KCNAB1: variants seen among roughly 807,000 people sequenced by gnomAD.
KCNAB1 encodes the protein voltage-gated potassium channel subunit beta-1.
In KCNAB1, 35 loss-of-function variants were observed where a neutral mutation model predicts 64.6. The observed-to-expected ratio is 0.54, with a 90% CI of 0.41 to 0.72. The LOEUF (loss-of-function observed/expected upper bound fraction) is 0.72, where lower values mean the gene tolerates loss of function less well. Among genes scored for constraint, KCNAB1 ranks in the 30% least tolerant of loss-of-function variants. The pLI is 0.00. For synonymous variants in KCNAB1, 177 were observed against 183.8 expected (o/e 0.96, Z 0.30); for missense variants, 401 against 512.9 (o/e 0.78, Z 2.11).
intron 1 of KCNAB1, among the ~76,000 whole-genome samples, chr3:156,239,749 G>T (rs949366319): frequency 1.3e-5 from 2 of 152,126 alleles, no homozygotes; most frequent in Non-Finnish European, 2.9e-5. Flanking sequence ...TCTAAAATTT[G>T]TTCATGTAAT....
At chr3:156,398,131 G>T (rs1713601157) in intron 1 of KCNAB1, among the ~76,000 whole-genome samples, 1 of 152,098 alleles carries the variant, frequency 6.6e-6, no homozygotes, top group Non-Finnish European at 1.5e-5. Flanking sequence ...AACTCACACA[G>T]AAACAGAGAA....
At chr3:156,378,256 G>C (rs150399556) in intron 1 of KCNAB1, among the ~76,000 whole-genome samples, 15 of 152,078 alleles carry the variant, frequency 9.9e-5, no homozygotes, top group Non-Finnish European at 1.9e-4. Flanking sequence ...CTGCAAACTA[G>C]GACACCTAGT....
At chr3:156,506,232 C>T (rs769815356) in intron 8 of KCNAB1, among the ~76,000 whole-genome samples, 8 of 152,072 alleles carry the variant, frequency 5.3e-5, no homozygotes, top group Non-Finnish European at 8.8e-5. Context: ...CTTTTTAACT[C>T]ATTTATTTTT....
At chr3:156,408,064 C>T (rs1039003996) in intron 1 of KCNAB1, among the ~76,000 whole-genome samples, 4 of 151,242 alleles carry the variant, frequency 2.6e-5, no homozygotes, top group African/African-American at 9.8e-5. Context: ...GGTGCAGTGG[C>T]GGGCGGTGGT....
chr3:156,161,624 A>G (rs897658660), intron 1 of KCNAB1, among the ~76,000 whole-genome samples: 1 of 152,204 alleles, frequency 6.6e-6, no homozygotes, highest in African/African-American at 2.4e-5. Context: ...TTTTGAATAT[A>G]GGTAACTGTC....
chr3:156,251,299 G>A (rs1717815546), intron 1 of KCNAB1, among the ~76,000 whole-genome samples: 1 of 152,222 alleles, frequency 6.6e-6, no homozygotes, highest in East Asian at 1.9e-4. Flanking sequence ...CAAATCACTT[G>A]AGAGTAAGTA....
In KCNAB1 at chr3:156,474,832, A is replaced by G. The variant is rs747042480; in HGVS notation, c.658+12A>G. Reference sequence around the variant, plus strand: ...CACTCCCATGGAAGGTAAGTTAAGAAAGCTAATAAAATACTCTAGAAATCT... The same window carrying G: ...CACTCCCATGGAAGGTAAGTTAAGAGAGCTAATAAAATACTCTAGAAATCT... On this transcript the variant is annotated intron_variant, in intron 8 of 13. Transcript: ENST00000490337. 7.1e-5 allele frequency: 113 copies of G among 1,592,236 alleles called. No individual in the cohort carries two copies. The highest frequency in any genetic ancestry group is 9.6e-5 in the Non-Finnish European group (111 of 1,160,618).
chr3:156,187,653 A>G (rs1161823851), intron 1 of KCNAB1, among the ~76,000 whole-genome samples: 1 of 152,154 alleles, frequency 6.6e-6, no homozygotes, highest in African/African-American at 2.4e-5. Context: ...CCACTTCCTA[A>G]TGATCTCTTG....
intron 13 of KCNAB1, among the ~76,000 whole-genome samples, chr3:156,532,426 C>T (rs1333248961): frequency 2.0e-5 from 3 of 152,216 alleles, no homozygotes; most frequent in Admixed American, 6.5e-5. Flanking sequence ...GCCATAGCCA[C>T]TACCTGGTAA....
chr3:156,287,937 T>C (rs1280641819), intron 1 of KCNAB1, among the ~76,000 whole-genome samples: 1 of 152,230 alleles, frequency 6.6e-6, no homozygotes, highest in Non-Finnish European at 1.5e-5. Flanking sequence ...AGCAATGATA[T>C]AAGAACTAAA....
intron 1 of KCNAB1, among the ~76,000 whole-genome samples, chr3:156,221,783 CG>C (rs200997816): frequency 0.031 from 4,304 of 139,440 alleles, 108 homozygotes; most frequent in South Asian, 0.051. Context: ...CATCCCCCCC[CG>C]CCAAAAAAAA....
At chr3:156,393,964 T>C (rs1478308906) in intron 1 of KCNAB1, among the ~76,000 whole-genome samples, 1 of 152,192 alleles carries the variant, frequency 6.6e-6, no homozygotes, top group African/African-American at 2.4e-5. Flanking sequence ...ATACCATGGG[T>C]TAGGGAGAGA....
intron 1 of KCNAB1, 43 bp downstream of exon 1, chr3:156,120,929 C>T (rs762247745): frequency 1.2e-5 from 20 of 1,601,188 alleles, no homozygotes; most frequent in Non-Finnish European, 1.6e-5. Flanking sequence ...AGACGCCGTT[C>T]GAAGGTGCTC....
intron 1 of KCNAB1, among the ~76,000 whole-genome samples, chr3:156,349,896 A>G (rs1278750013): frequency 6.6e-6 from 1 of 152,040 alleles, no homozygotes; most frequent in African/African-American, 2.4e-5. Flanking sequence ...TTTTCTACTG[A>G]GTTCTTTTCT....
intron 6 of KCNAB1, among the ~76,000 whole-genome samples, chr3:156,465,061 A>G (rs1365832532): frequency 6.6e-6 from 1 of 152,208 alleles, no homozygotes; most frequent in East Asian, 1.9e-4. Flanking sequence ...AAATTCAAGT[A>G]CCATATTTCA....
chr3:156,240,870 A>C (rs1717122263), intron 1 of KCNAB1, among the ~76,000 whole-genome samples: 1 of 152,226 alleles, frequency 6.6e-6, no homozygotes, highest in Non-Finnish European at 1.5e-5. Flanking sequence ...GATAAGCGGA[A>C]GAAAAGGCAG....
At chr3:156,484,369 A>AAG (rs1181534223) in intron 8 of KCNAB1, among the ~76,000 whole-genome samples, 3 of 151,670 alleles carry the variant, frequency 2.0e-5, no homozygotes, top group Non-Finnish European at 4.4e-5. Context: ...GTTAAGAAAA[A>AAG]AGAGAGAGAG....
intron 6 of KCNAB1, among the ~76,000 whole-genome samples, chr3:156,464,911 A>G (rs1210471269): frequency 1.3e-5 from 2 of 152,222 alleles, no homozygotes; most frequent in Non-Finnish European, 2.9e-5. Flanking sequence ...TATGTAGTAG[A>G]ATACTACCTA....
rs534875577 is a variant in KCNAB1, at chr3:156,380,971, G to A, written c.276-40645G>A. Among the ~76,000 whole-genome samples, 13 of 152,230 alleles carry A rather than the reference G, an allele frequency of 8.5e-5. No individual in the cohort carries two copies. The East Asian group carries it at 1.4e-3, about 16-fold the overall frequency. ...TAAATATTTCAAATTTACTAAAAGAGTAGATTTTAAATGTTTTCACCACAA... is the reference window on the plus strand; with the variant it reads ...TAAATATTTCAAATTTACTAAAAGAATAGATTTTAAATGTTTTCACCACAA... On this transcript the variant is annotated intron_variant, in intron 1 of 13. Coordinates refer to ENST00000490337, the MANE Select transcript of KCNAB1 (RefSeq NM_172160.3).
Sources: allele counts gnomAD v4.1 joint callset (sites outside exome capture counted in the v4.1 genomes callset), GRCh38; gene constraint gnomAD v4.1.1; transcripts MANE v1.5; gene names NCBI Gene and HGNC (gene_info 2026-07-23, HGNC 2026-07-21).